AHI1: variants seen among roughly 807,000 people sequenced by gnomAD.
AHI1 encodes Abelson helper integration site 1, also known as jouberin.
In AHI1, 123 loss-of-function variants were observed where a neutral mutation model predicts 149.3. That is an observed-to-expected ratio of 0.82 (90% CI 0.71 to 0.96). The LOEUF (loss-of-function observed/expected upper bound fraction) is 0.96, where lower values mean the gene tolerates loss of function less well. Among genes scored for constraint, AHI1 ranks in the 40% least tolerant of loss-of-function variants. The pLI, the probability that AHI1 is intolerant of heterozygous loss-of-function variation, is 0.00. For missense variants in AHI1, 1,439 were observed against 1,422.7 expected, an observed-to-expected ratio of 1.01 and a Z score of -0.18; for synonymous variants, 475 against 459.8, an observed-to-expected ratio of 1.03 and a Z score of -0.42.
chr6:135,390,149 C>G (rs1440063909), intron 23 of AHI1, among the ~76,000 whole-genome samples: 2 of 152,074 alleles, frequency 1.3e-5, no homozygotes, highest in Non-Finnish European at 2.9e-5. Context: ...ATAGTAGGGA[C>G]TCTTGAGATG....
At chr6:135,442,837 T>C (rs1248456996) in intron 13 of AHI1, 123 bp from the exon 14 acceptor site, 1 of 901,300 alleles carries the variant, frequency 1.1e-6, no homozygotes, top group Non-Finnish European at 1.6e-6. Context: ...GAAAAACAAG[T>C]ACGCAGAATG....
intron 24 of AHI1, among the ~76,000 whole-genome samples, chr6:135,352,222 C>T (rs1400370455): frequency 3.9e-5 from 6 of 152,264 alleles, no homozygotes; most frequent in Admixed American, 6.5e-5. Flanking sequence ...TTCTCATGAT[C>T]AAATACCTTA....
chr6:135,485,019 C>A (rs915501955), intron 5 of AHI1, among the ~76,000 whole-genome samples: 4 of 151,798 alleles, frequency 2.6e-5, no homozygotes, highest in South Asian at 2.1e-4. Context: ...AAATTCCTTC[C>A]CTCAAAAGCT....
intron 23 of AHI1, among the ~76,000 whole-genome samples, chr6:135,372,255 AT>A (rs1775172048): frequency 6.6e-6 from 1 of 152,178 alleles, no homozygotes; most frequent in African/African-American, 2.4e-5. Context: ...AAAGAAAATA[AT>A]TTTCTTCAAG....
chr6:135,442,540 C>G (rs945306123), intron 14 of AHI1, 42 bp downstream of exon 14: 1 of 1,550,494 alleles, frequency 6.4e-7, no homozygotes. Flanking sequence ...ATGTCCTCCA[C>G]GTGGACTACA....
chr6:135,492,984 T>TTA (rs1795466334), intron 3 of AHI1: 2 of 827,154 alleles, frequency 2.4e-6, no homozygotes, highest in African/African-American at 3.6e-5. Context: ...TGAAGAGTGT[T>TTA]AAAAAAAAAG....
chr6:135,317,703 C>G (rs186231932), intron 26 of AHI1, among the ~76,000 whole-genome samples: 4 of 152,050 alleles, frequency 2.6e-5, no homozygotes, highest in Admixed American at 2.6e-4. Flanking sequence ...ATTAATAGAG[C>G]GCATGGATGA....
intron 28 of AHI1, among the ~76,000 whole-genome samples, chr6:135,287,311 T>A (rs780245879): frequency 2.0e-5 from 3 of 151,774 alleles, no homozygotes; most frequent in Non-Finnish European, 2.9e-5. Context: ...AAATCTAAAG[T>A]AGGCAGCAAA....
intron 8 of AHI1, among the ~76,000 whole-genome samples, chr6:135,459,707 A>T (rs987395240): frequency 1.3e-5 from 2 of 150,228 alleles, no homozygotes; most frequent in Non-Finnish European, 3.0e-5. Context: ...CACATCCCTC[A>T]AAAACTACAG....
At chr6:135,458,873 T>G (rs112207245) in intron 8 of AHI1, among the ~76,000 whole-genome samples, 2 of 152,220 alleles carry the variant, frequency 1.3e-5, no homozygotes, top group African/African-American at 4.8e-5. Flanking sequence ...CTATGAATTA[T>G]TAGAGATAAA....
chr6:135,490,771 T>C, intron 4 of AHI1, 24 bp from the exon 5 acceptor site: 2 of 1,609,816 alleles, frequency 1.2e-6, no homozygotes, highest in African/African-American at 2.7e-5. Context: ...AGCCATGTGA[T>C]TTTGTAAATG....
At chr6:135,487,878 A>G (rs923836314) in intron 5 of AHI1, among the ~76,000 whole-genome samples, 6 of 152,110 alleles carry the variant, frequency 3.9e-5, no homozygotes, top group African/African-American at 1.4e-4. Flanking sequence ...TAGAAATGGT[A>G]CTACATCTTT....
At chr6:135,338,056 C>G (rs2746420) in intron 24 of AHI1, among the ~76,000 whole-genome samples, 102,939 of 151,820 alleles carry the variant, frequency 0.68, 36,192 homozygotes, top group African/African-American at 0.89. Flanking sequence ...CCAGCACTTT[C>G]GGAGGCCGAG....
intron 26 of AHI1, among the ~76,000 whole-genome samples, chr6:135,307,461 C>CT (rs1165311041): frequency 2.0e-5 from 3 of 152,054 alleles, no homozygotes; most frequent in East Asian, 1.9e-4. Flanking sequence ...ATACTCATCA[C>CT]TTTGAGTCTC....
chr6:135,438,315 T>C, intron 15 of AHI1, 60 bp downstream of exon 15: 2 of 1,433,124 alleles, frequency 1.4e-6, no homozygotes, highest in Non-Finnish European at 1.9e-6. Flanking sequence ...CAGTTTATAT[T>C]CTCTTTGCTT....
intron 20 of AHI1, among the ~76,000 whole-genome samples, chr6:135,415,803 TA>T (rs1374502558): frequency 6.6e-6 from 1 of 152,124 alleles, no homozygotes; most frequent in Non-Finnish European, 1.5e-5. Context: ...GGCATAGCCA[TA>T]CAATTAAACA....
At chr6:135,349,565 C>A (rs968052920) in intron 24 of AHI1, among the ~76,000 whole-genome samples, 6 of 152,172 alleles carry the variant, frequency 3.9e-5, no homozygotes, top group African/African-American at 1.4e-4. Flanking sequence ...AACAACTAAC[C>A]TATGCCCACT....
chr6:135,294,293 T>C (rs561080541), intron 27 of AHI1, among the ~76,000 whole-genome samples: 1 of 152,058 alleles, frequency 6.6e-6, no homozygotes, highest in Admixed American at 6.5e-5. Context: ...GCCATTGCAC[T>C]CCAGCCCGGG....
Position 135,394,852 on chromosome 6 carries a change from T to C in AHI1, c.3033A>G (p.Ser1011=), listed in dbSNP as rs372030704. ...TTGACTGCTTTAACTTAGACTGTTG[T>C]GAGGAAACTGCTGGTGGTGAAGTAA... ...LSFTSPPAVS[S]QQSKLKQSNM... Residue 1011 remains serine (S), a synonymous_variant, in exon 23 of 29, where the codon TCA becomes TCG. Transcript: ENST00000265602. 475 of 1,605,210 alleles carry C rather than the reference T, an allele frequency of 3.0e-4. No individual in the cohort carries two copies. Among genetic ancestry groups the C allele is most frequent in the Non-Finnish European group, 3.9e-4 (460 of 1,175,342 alleles).
Sources: gnomAD v4.1 joint callset for allele counts (sites outside exome capture counted in the v4.1 genomes callset) on GRCh38, gnomAD v4.1.1 for gene constraint, MANE v1.5 for transcripts, NCBI Gene and HGNC (gene_info 2026-07-23, HGNC 2026-07-21) for gene names.